The following ANKRD12 variants were observed in gnomAD, a reference collection of about 807,000 sequenced individuals.
ANKRD12 encodes ankyrin repeat domain 12, also known as ankyrin repeat domain-containing protein 12.
A neutral mutation model predicts 183.4 loss-of-function variants in ANKRD12; 85 were observed. That is an observed-to-expected ratio of 0.46 (90% CI 0.39 to 0.56). The LOEUF is 0.56. Ranked by LOEUF, ANKRD12 falls within the 20% of genes least tolerant of loss-of-function variation. The pLI is 0.00. For synonymous variants in ANKRD12, 914 were observed against 800.2 expected (o/e 1.14, Z -2.40); for missense variants, 2,405 against 2,357.1 (o/e 1.02, Z -0.42).
intron 2 of ANKRD12, among the ~76,000 whole-genome samples, chr18:9,188,975 G>A (rs2034284796): frequency 6.6e-6 from 1 of 152,176 alleles, no homozygotes; most frequent in South Asian, 2.1e-4. Context: ...CTCATTTTAA[G>A]TCAAAAGCTC....
intron 10 of ANKRD12, 28 bp from the exon 11 acceptor site, chr18:9,275,496 A>G: frequency 6.3e-7 from 1 of 1,575,920 alleles, no homozygotes. Context: ...TGAAGAATTT[A>G]TTTTTTTTTA....
chr18:9,163,606 C>CTA (rs1203652367), intron 1 of ANKRD12, among the ~76,000 whole-genome samples: 82 of 152,146 alleles, frequency 5.4e-4, no homozygotes, highest in African/African-American at 1.7e-3. Flanking sequence ...AGCATTGAAT[C>CTA]TATAAATTAC....
At chr18:9,262,447 TGTTTTGTTTTTA>T (rs1196005333) in intron 9 of ANKRD12, among the ~76,000 whole-genome samples, 16 of 152,124 alleles carry the variant, frequency 1.1e-4, no homozygotes, top group Admixed American at 9.8e-4. Context: ...TCTTTTGTTT[TGTTTTGTTTTTA>T]GTTTTGTTTT....
At chr18:9,230,122 C>T (rs556632548) in intron 8 of ANKRD12, among the ~76,000 whole-genome samples, 28 of 152,180 alleles carry the variant, frequency 1.8e-4, no homozygotes, top group African/African-American at 6.0e-4. Flanking sequence ...GCAGTGAGTC[C>T]ATCTGGTCCC....
chr18:9,245,459 C>CA (rs1275678109), intron 8 of ANKRD12, among the ~76,000 whole-genome samples: 1 of 151,766 alleles, frequency 6.6e-6, no homozygotes, highest in Admixed American at 6.6e-5. Flanking sequence ...GACCCTGTCT[C>CA]AAAAAAATAA....
intron 8 of ANKRD12, among the ~76,000 whole-genome samples, chr18:9,246,553 T>C (rs1186433883): frequency 1.3e-5 from 2 of 152,198 alleles, no homozygotes; most frequent in Non-Finnish European, 2.9e-5. Context: ...ATTGTAGCCC[T>C]GTAATAAGTG....
At chr18:9,179,120 C>T (rs1279929416) in intron 1 of ANKRD12, among the ~76,000 whole-genome samples, 4 of 151,846 alleles carry the variant, frequency 2.6e-5, no homozygotes, top group Admixed American at 2.6e-4. Context: ...ATATATTGAC[C>T]ATGTATTCTA....
intron 2 of ANKRD12, among the ~76,000 whole-genome samples, chr18:9,194,500 G>T (rs2034653260): frequency 6.6e-6 from 1 of 151,928 alleles, no homozygotes; most frequent in African/African-American, 2.4e-5. Flanking sequence ...AGGATTATAG[G>T]CACCTGCCAC....
chr18:9,170,381 G>A (rs868506211), intron 1 of ANKRD12, among the ~76,000 whole-genome samples: 1 of 152,158 alleles, frequency 6.6e-6, no homozygotes, highest in Non-Finnish European at 1.5e-5. Context: ...TTTTCACAAA[G>A]TCCCATATTT....
At chr18:9,162,394 G>T (rs1568237171) in intron 1 of ANKRD12, among the ~76,000 whole-genome samples, 1 of 152,040 alleles carries the variant, frequency 6.6e-6, no homozygotes, top group African/African-American at 2.4e-5. Context: ...TCCTTTTTAT[G>T]GCTGCATAGT....
intron 1 of ANKRD12, among the ~76,000 whole-genome samples, chr18:9,157,351 A>G (rs1285104206): frequency 6.6e-6 from 1 of 152,036 alleles, no homozygotes; most frequent in Non-Finnish European, 1.5e-5. Context: ...GGAGCTGCCC[A>G]GCATCACAAG....
intron 1 of ANKRD12, among the ~76,000 whole-genome samples, chr18:9,153,020 A>AGACG (rs2078734570): frequency 6.6e-6 from 1 of 152,304 alleles, no homozygotes; most frequent in East Asian, 1.9e-4. Flanking sequence ...TTTTCTGTAG[A>AGACG]GACGGGTCTC....
At chr18:9,138,341 C>T (rs1341119361) in intron 1 of ANKRD12, among the ~76,000 whole-genome samples, 2 of 152,054 alleles carry the variant, frequency 1.3e-5, no homozygotes, top group Admixed American at 6.6e-5. Context: ...AGTGAAACCC[C>T]CGTCTCTACT....
At chr18:9,151,053 TGTG>T (rs1334482738) in intron 1 of ANKRD12, among the ~76,000 whole-genome samples, 2 of 152,204 alleles carry the variant, frequency 1.3e-5, no homozygotes, top group African/African-American at 4.8e-5. Context: ...CAGAAAACAT[TGTG>T]GTGAAAATTA....
At chr18:9,268,504 A>G (rs1403833757) in intron 10 of ANKRD12, among the ~76,000 whole-genome samples, 10 of 152,282 alleles carry the variant, frequency 6.6e-5, no homozygotes, top group East Asian at 1.9e-4. Context: ...CATATAAACA[A>G]AACCAAAGAC....
rs1568015203 is a variant in ANKRD12, at chr18:9,281,937, C to T, written c.*811C>T. The T allele has an allele frequency of 1.3e-5, 2 of 152,552 alleles. No individual in the cohort carries two copies. The highest frequency in any genetic ancestry group is 2.9e-5 in the Non-Finnish European group (2 of 68,012). The allele number at this position is 152,552 out of a possible 1,614,324, so 9.4% of individuals were successfully genotyped here. A position where few individuals can be genotyped will look rare whatever the true frequency, so the allele number is the denominator to read the frequency against. On this transcript the variant is annotated 3_prime_UTR_variant, in exon 13 of 13. Transcript: ENST00000262126. ...TTTAACTCTCCATAATTGATGCCTG[C>T]AGTAGTGTAAGGCATTTCATACTAG...
chr18:9,180,109 G>A (rs943896958), intron 1 of ANKRD12, among the ~76,000 whole-genome samples: 7 of 152,272 alleles, frequency 4.6e-5, no homozygotes, highest in African/African-American at 9.6e-5. Context: ...TCAGTTGGCC[G>A]TTTTTGTTTC....
intron 3 of ANKRD12, among the ~76,000 whole-genome samples, chr18:9,199,418 A>G (rs952045164): frequency 2.6e-5 from 4 of 152,252 alleles, no homozygotes; most frequent in African/African-American, 7.2e-5. Flanking sequence ...ATATTAACAC[A>G]TGGAAAGATT....
chr18:9,216,427 A>G (rs889001563), intron 6 of ANKRD12, among the ~76,000 whole-genome samples: 1 of 152,236 alleles, frequency 6.6e-6, no homozygotes, highest in African/African-American at 2.4e-5. Flanking sequence ...GTGTTAGTCA[A>G]ACTGTTCATG....
Sources: allele counts gnomAD v4.1 joint callset (sites outside exome capture counted in the v4.1 genomes callset), GRCh38; gene constraint gnomAD v4.1.1; transcripts MANE v1.5; gene names NCBI Gene and HGNC (gene_info 2026-07-23, HGNC 2026-07-21).